DLG2: variants seen among roughly 807,000 people sequenced by gnomAD.
DLG2 encodes disks large homolog 2.
DLG2 carries 45 observed loss-of-function variants against 132.5 expected under a neutral mutation model. The ratio of observed to expected loss-of-function variants is 0.34; its 90% confidence interval spans 0.27 to 0.44. The LOEUF (loss-of-function observed/expected upper bound fraction) is 0.44. Among genes scored for constraint, DLG2 ranks in the 20% least tolerant of loss-of-function variants. The probability of loss-of-function intolerance (pLI) is 1.00; values close to 1 mark genes in which losing one functional copy is unlikely to be tolerated. For missense variants in DLG2, 1,045 were observed against 1,196.9 expected, an observed-to-expected ratio of 0.87 and a Z score of 1.87; for synonymous variants, 424 against 419.6, an observed-to-expected ratio of 1.01 and a Z score of -0.13.
chr11:83,567,419 A>T (rs938003642), intron 19 of DLG2, among the ~76,000 whole-genome samples: 1 of 152,100 alleles, frequency 6.6e-6, no homozygotes, highest in African/African-American at 2.4e-5. Context: ...TGCCTCTACC[A>T]TGTACTCATG....
At chr11:85,360,032 C>T (rs551678987) in intron 3 of DLG2, among the ~76,000 whole-genome samples, 6 of 152,178 alleles carry the variant, frequency 3.9e-5, no homozygotes, top group Admixed American at 2.6e-4. Flanking sequence ...ATACTCAGGG[C>T]GTGTGCTGAA....
intron 19 of DLG2, among the ~76,000 whole-genome samples, chr11:83,608,469 A>C (rs972197167): frequency 6.6e-6 from 1 of 152,130 alleles, no homozygotes; most frequent in Non-Finnish European, 1.5e-5. Context: ...GGATTTTGGA[A>C]CATTTCAGAT....
chr11:83,968,322 T>G (rs1230190212), intron 12 of DLG2, among the ~76,000 whole-genome samples: 1 of 152,174 alleles, frequency 6.6e-6, no homozygotes, highest in Non-Finnish European at 1.5e-5. Flanking sequence ...ACCTGACTGA[T>G]GTGTTTGAAT....
At chr11:83,878,061 T>C (rs1265939390) in intron 15 of DLG2, among the ~76,000 whole-genome samples, 1 of 152,230 alleles carries the variant, frequency 6.6e-6, no homozygotes, top group Non-Finnish European at 1.5e-5. Flanking sequence ...CTGAGAACTG[T>C]TGTAGAAAGA....
At chr11:85,174,916 G>C (rs964411269) in intron 4 of DLG2, among the ~76,000 whole-genome samples, 3 of 151,972 alleles carry the variant, frequency 2.0e-5, no homozygotes, top group Non-Finnish European at 1.5e-5. Flanking sequence ...ACAGAACCAG[G>C]GCAAAAATTA....
intron 6 of DLG2, among the ~76,000 whole-genome samples, chr11:84,791,070 G>C (rs2073774934): frequency 6.6e-6 from 1 of 152,150 alleles, no homozygotes; most frequent in African/African-American, 2.4e-5. Flanking sequence ...GGGGAAGCAG[G>C]CATGTCTTAT....
chr11:84,728,720 T>C (rs886511424), intron 6 of DLG2, among the ~76,000 whole-genome samples: 1 of 152,174 alleles, frequency 6.6e-6, no homozygotes, highest in African/African-American at 2.4e-5. Flanking sequence ...TGTCTGGTCT[T>C]GGACTTTTTT....
chr11:85,567,656 C>T (rs1375998476), intron 3 of DLG2, among the ~76,000 whole-genome samples: 6 of 152,050 alleles, frequency 3.9e-5, no homozygotes, highest in Non-Finnish European at 8.8e-5. Context: ...ATTTCCAGTA[C>T]AATGTTTAAT....
intron 6 of DLG2, among the ~76,000 whole-genome samples, chr11:85,065,107 A>G (rs2064713725): frequency 6.6e-6 from 1 of 151,554 alleles, no homozygotes; most frequent in Admixed American, 6.6e-5. Flanking sequence ...TGGGAGGAGT[A>G]GATAATAAAA....
At chr11:84,065,479 TA>T (rs2096657065) in intron 10 of DLG2, among the ~76,000 whole-genome samples, 2 of 152,180 alleles carry the variant, frequency 1.3e-5, no homozygotes, top group Admixed American at 6.5e-5. Flanking sequence ...TCAACATTAC[TA>T]ATCATTAGAG....
At chr11:85,537,301 G>A (rs1486550712) in intron 3 of DLG2, among the ~76,000 whole-genome samples, 23 of 152,228 alleles carry the variant, frequency 1.5e-4, no homozygotes, top group Admixed American at 1.5e-3. Context: ...GGCGACCAGA[G>A]CCAGCAGGGG....
At chr11:85,479,444 T>G (rs1354767912) in intron 3 of DLG2, among the ~76,000 whole-genome samples, 1 of 152,244 alleles carries the variant, frequency 6.6e-6, no homozygotes, top group Non-Finnish European at 1.5e-5. Context: ...ACCGTCATAT[T>G]GGAGATTAAG....
intron 6 of DLG2, among the ~76,000 whole-genome samples, chr11:85,014,704 C>T (rs540597799): frequency 1.3e-5 from 2 of 152,298 alleles, no homozygotes; most frequent in South Asian, 4.1e-4. Flanking sequence ...AAGCCCCACC[C>T]GGACCTAACA....
At chr11:84,126,429 A>G (rs1207371963) in intron 9 of DLG2, among the ~76,000 whole-genome samples, 1 of 152,200 alleles carries the variant, frequency 6.6e-6, no homozygotes, top group Non-Finnish European at 1.5e-5. Flanking sequence ...ATAATACCAA[A>G]GAAAGAAAAC....
At chr11:84,813,802 A>C (rs2153974832) in intron 6 of DLG2, among the ~76,000 whole-genome samples, 1 of 152,092 alleles carries the variant, frequency 6.6e-6, no homozygotes, top group Admixed American at 6.6e-5. Context: ...GTGATTACAA[A>C]CCTAATAGAA....
chr11:84,934,525 GTTTTT>G lies in DLG2; in HGVS notation c.357+177131_357+177135del, dbSNP rs757894179. Among the ~76,000 whole-genome samples the G allele has an allele frequency of 7.5e-4, 29 of 38,658 alleles. No homozygotes were observed. In the East Asian group the frequency reaches 0.036, roughly 48 times the overall value. 25.4% of individuals were successfully genotyped at this position (38,658 alleles called of 152,430 possible). ...GGGTGTTTTTTTTTTGTTTTGTTTT[GTTTTT>G]TTTTTTTTTTTTTTTTGGTGGGTAG... On this transcript the variant is annotated intron_variant, in intron 6 of 27. Transcript: ENST00000376104.
At chr11:84,255,071 CCAGACTACA>C (rs1364780184) in intron 7 of DLG2, among the ~76,000 whole-genome samples, 3 of 150,942 alleles carry the variant, frequency 2.0e-5, no homozygotes, top group Admixed American at 2.0e-4. Context: ...ACAGCCCACC[CCAGACTACA>C]CAGAGCATAG....
intron 18 of DLG2, among the ~76,000 whole-genome samples, chr11:83,760,209 G>T (rs921913199): frequency 6.6e-6 from 1 of 152,128 alleles, no homozygotes; most frequent in African/African-American, 2.4e-5. Context: ...CTTTCACCTG[G>T]TGGGCAGAAA....
intron 17 of DLG2, among the ~76,000 whole-genome samples, chr11:83,827,210 T>C (rs2040311): frequency 1.3e-5 from 2 of 151,936 alleles, no homozygotes; most frequent in African/African-American, 4.8e-5. Context: ...AGTGGAGAGG[T>C]GGAAGCAACA....
Sources: allele counts gnomAD v4.1 joint callset (sites outside exome capture counted in the v4.1 genomes callset), GRCh38; gene constraint gnomAD v4.1.1; transcripts MANE v1.5; gene names NCBI Gene and HGNC (gene_info 2026-07-23, HGNC 2026-07-21).